Variants in RASGRF2 observed in about 807,000 individuals in gnomAD.
RASGRF2 encodes ras-specific guanine nucleotide-releasing factor 2.
Under a neutral mutation model 151.0 loss-of-function variants are expected in RASGRF2, and 76 were observed. The ratio of observed to expected loss-of-function variants is 0.50; its 90% CI spans 0.42 to 0.61. RASGRF2 has a LOEUF of 0.61. Among genes scored for constraint, RASGRF2 ranks in the 20% least tolerant of loss-of-function variants. The pLI is 0.00. For missense variants in RASGRF2, 1,148 were observed against 1,564.6 expected, an observed-to-expected ratio of 0.73 and a Z score of 4.49; for synonymous variants, 504 against 566.5, an observed-to-expected ratio of 0.89 and a Z score of 1.57.
intron 2 of RASGRF2, among the ~76,000 whole-genome samples, chr5:81,058,775 C>CAAAAAAA (rs56875865): frequency 2.3e-4 from 16 of 70,108 alleles, no homozygotes; most frequent in African/African-American, 6.3e-4. Context: ...GGCCCTGTAT[C>CAAAAAAA]AAAAAAAAAA....
chr5:81,038,084 A>G (rs1470207892), intron 1 of RASGRF2, among the ~76,000 whole-genome samples: 1 of 152,208 alleles, frequency 6.6e-6, no homozygotes, highest in Non-Finnish European at 1.5e-5. Flanking sequence ...ATGATATATT[A>G]TTATACAGAT....
At chr5:81,061,419 A>G (rs1751427189) in intron 2 of RASGRF2, among the ~76,000 whole-genome samples, 1 of 151,914 alleles carries the variant, frequency 6.6e-6, no homozygotes, top group African/African-American at 2.4e-5. Context: ...GACAATATCT[A>G]TTTACTATAT....
rs143964201 is a variant in RASGRF2 at position 81,052,777 on chromosome 5, T to G, written c.395+9794T>G. On this transcript the variant is annotated intron_variant, in intron 2 of 26. Coordinates refer to ENST00000265080, the MANE Select transcript of RASGRF2 (RefSeq NM_006909.3). ...AGGTAAGGTCAAAGCAAATGTTGCTTTGATAGGAGCTGTACTATTGTCATC... is the reference window on the plus strand; with the variant it reads ...AGGTAAGGTCAAAGCAAATGTTGCTGTGATAGGAGCTGTACTATTGTCATC... Among the ~76,000 whole-genome samples, 4 of 152,238 alleles carry G rather than the reference T, an allele frequency of 2.6e-5. No individual in the cohort carries two copies. The East Asian group carries it at 7.7e-4, about 29-fold the overall frequency.
intron 1 of RASGRF2, chr5:80,997,275 T>A (rs1270858399): frequency 2.0e-5 from 3 of 152,184 alleles, no homozygotes; most frequent in Non-Finnish European, 2.9e-5. Context: ...ACCTTCTCCA[T>A]GGATGCTGCA....
At chr5:80,966,326 A>G (rs988977491) in intron 1 of RASGRF2, among the ~76,000 whole-genome samples, 1 of 152,164 alleles carries the variant, frequency 6.6e-6, no homozygotes, top group African/African-American at 2.4e-5. Flanking sequence ...ATTACTCACA[A>G]TATAAATTCC....
At chr5:81,104,375 AAGAG>A (rs1185686447) in intron 12 of RASGRF2, among the ~76,000 whole-genome samples, 2 of 152,088 alleles carry the variant, frequency 1.3e-5, no homozygotes, top group East Asian at 1.9e-4. Flanking sequence ...TATATTCGTG[AAGAG>A]AGAGAGATGA....
In RASGRF2 at chr5:81,080,725, A is replaced by G. The variant is rs1752062720; in HGVS notation, c.1097A>G (p.Tyr366Cys). ...NRDFDKLLKQ[Y>C]EANPACEGRM... ...GATTTTGACAAACTCTTAAAACAGTATGAAGCCAATCCAGCCTGTGAGGGG... is the reference window on the plus strand; with the variant it reads ...GATTTTGACAAACTCTTAAAACAGTGTGAAGCCAATCCAGCCTGTGAGGGG... The change falls in exon 7 of 27, where the codon TAT becomes TGT. Residue 366 changes from tyrosine to cysteine, a missense_variant. Coordinates refer to ENST00000265080, the MANE Select transcript of RASGRF2 (RefSeq NM_006909.3). 2 of 1,614,122 alleles carry G rather than the reference A, an allele frequency of 1.2e-6. No homozygotes were observed. Among genetic ancestry groups the G allele is most frequent in the African/African-American group, 1.3e-5 (1 of 74,940 alleles).
At chr5:81,085,049 C>G (rs1752190858) in intron 7 of RASGRF2, among the ~76,000 whole-genome samples, 1 of 152,192 alleles carries the variant, frequency 6.6e-6, no homozygotes, top group Admixed American at 6.5e-5. Flanking sequence ...TGTTAGAGGA[C>G]TGGACACATT....
At chr5:80,996,634 C>G (rs1372733135) in intron 1 of RASGRF2, among the ~76,000 whole-genome samples, 2 of 142,674 alleles carry the variant, frequency 1.4e-5, no homozygotes, top group African/African-American at 5.2e-5. Flanking sequence ...TCACTTTGTC[C>G]TGTCGCCCAG....
In RASGRF2 at chr5:81,229,415, T is replaced by C. The variant is rs988622461; in HGVS notation, c.*3645T>C. 9 of 152,178 alleles carry C rather than the reference T, an allele frequency of 5.9e-5. No homozygotes were observed. The highest frequency in any genetic ancestry group is 1.2e-4 in the Non-Finnish European group (8 of 68,036). 9.4% of individuals were successfully genotyped at this position (152,178 alleles called of 1,614,324 possible). A position where few individuals can be genotyped will look rare whatever the true frequency, so the allele number is the denominator to read the frequency against. On this transcript the variant is annotated 3_prime_UTR_variant, in exon 27 of 27. Coordinates refer to ENST00000265080, the MANE Select transcript of RASGRF2 (RefSeq NM_006909.3). ...CTCCATTATAGATACCACCGTGTAA[T>C]AGAAGACTTAAGTCAATGAAATCTA...
At chr5:81,032,790 T>C (rs1750313320) in intron 1 of RASGRF2, among the ~76,000 whole-genome samples, 1 of 152,110 alleles carries the variant, frequency 6.6e-6, no homozygotes, top group African/African-American at 2.4e-5. Flanking sequence ...TTGGAAGTTC[T>C]GGCCAGGGCA....
chr5:81,174,761 A>G (rs1173447181), intron 17 of RASGRF2, among the ~76,000 whole-genome samples: 2 of 152,238 alleles, frequency 1.3e-5, no homozygotes, highest in African/African-American at 4.8e-5. Flanking sequence ...AGTTTGGGAA[A>G]AGAGCACATT....
At chr5:81,084,612 A>G (rs1314916425) in intron 7 of RASGRF2, among the ~76,000 whole-genome samples, 1 of 152,158 alleles carries the variant, frequency 6.6e-6, no homozygotes, top group Non-Finnish European at 1.5e-5. Flanking sequence ...GTGTCTATGC[A>G]TAGTGTGTAA....
chr5:81,088,056 TCA>T (rs1752289219), intron 9 of RASGRF2: 1 of 152,266 alleles, frequency 6.6e-6, no homozygotes, highest in South Asian at 2.1e-4. Flanking sequence ...ATTCCTTTTC[TCA>T]TTTTTGGCTT....
intron 1 of RASGRF2, among the ~76,000 whole-genome samples, chr5:80,968,184 T>G (rs1747783721): frequency 6.6e-6 from 1 of 152,172 alleles, no homozygotes; most frequent in Admixed American, 6.5e-5. Context: ...GATATTCCTC[T>G]TTTTATTTTC....
At chr5:81,061,796 C>G (rs1334517499) in intron 2 of RASGRF2, among the ~76,000 whole-genome samples, 3 of 151,978 alleles carry the variant, frequency 2.0e-5, no homozygotes, top group African/African-American at 7.3e-5. Flanking sequence ...AAGTTACCCT[C>G]CCGCCTTGGC....
chr5:81,106,037 C>CTG, intron 12 of RASGRF2, among the ~76,000 whole-genome samples: 1 of 152,288 alleles, frequency 6.6e-6, no homozygotes, highest in Non-Finnish European at 1.5e-5. Flanking sequence ...AATCCCAATG[C>CTG]TGTGTAATCA....
intron 5 of RASGRF2, among the ~76,000 whole-genome samples, chr5:81,078,975 G>T (rs912891435): frequency 6.6e-6 from 1 of 152,138 alleles, no homozygotes; most frequent in African/African-American, 2.4e-5. Context: ...TCTGGAAGCT[G>T]GTTCCCAGAA....
intron 2 of RASGRF2, among the ~76,000 whole-genome samples, chr5:81,057,415 C>T (rs981154877): frequency 3.3e-5 from 5 of 152,088 alleles, no homozygotes; most frequent in African/African-American, 4.8e-5. Context: ...TAATTTTTGC[C>T]CTTCTATAAG....
Sources: gnomAD v4.1 joint callset for allele counts (sites outside exome capture counted in the v4.1 genomes callset) on GRCh38, gnomAD v4.1.1 for gene constraint, MANE v1.5 for transcripts, NCBI Gene and HGNC (gene_info 2026-07-23, HGNC 2026-07-21) for gene names.